The following TANC2 variants were observed in gnomAD, a reference collection of about 807,000 sequenced individuals.
The protein encoded by TANC2 is tetratricopeptide repeat, ankyrin repeat and coiled-coil containing 2.
Under a neutral mutation model 210.5 loss-of-function variants are expected in TANC2, and 26 were observed. The observed-to-expected ratio is 0.12, with a 90% CI of 0.09 to 0.17. TANC2 has a LOEUF of 0.17. Ranked by LOEUF, TANC2 falls within the 10% of genes least tolerant of loss-of-function variation. The pLI is 1.00. For missense variants in TANC2, 2,129 were observed against 2,608.9 expected (o/e 0.82, Z 4.01); for synonymous variants, 931 against 967.1 (o/e 0.96, Z 0.69).
Position 63,352,238 on chromosome 17 carries a change from C to A in TANC2, c.1974+822C>A, listed in dbSNP as rs1241410986. On this transcript the variant is annotated intron_variant, in intron 13 of 27. Coordinates refer to ENST00000689528, the Ensembl canonical transcript of TANC2. ...GCTTATCTCACTATTTGGATGCAGC[C>A]CCCTTGTCATAAGTGCTGATGTACA... is the stretch of plus-strand genomic sequence containing the variant. 4.6e-5 allele frequency among the ~76,000 whole-genome samples: 7 copies of A among 151,928 alleles called. No individual in the cohort carries two copies. The South Asian group carries it at 1.5e-3, about 32-fold the overall frequency.
intron 11 of TANC2, among the ~76,000 whole-genome samples, chr17:63,331,001 G>A (rs552823921): frequency 2.6e-5 from 4 of 152,168 alleles, no homozygotes; most frequent in East Asian, 3.9e-4. Context: ...GCTTGAACCC[G>A]GGAGGCAGAG....
chr17:63,095,229 A>AC (rs1377873125), intron 3 of TANC2, among the ~76,000 whole-genome samples: 1 of 152,002 alleles, frequency 6.6e-6, no homozygotes, highest in Non-Finnish European at 1.5e-5. Flanking sequence ...AGGCCAAAGT[A>AC]CAGTAGTATG....
intron 21 of TANC2, among the ~76,000 whole-genome samples, 188 bp from the exon 22 acceptor site, chr17:63,411,323 T>C (rs928133155): frequency 2.0e-5 from 3 of 152,214 alleles, no homozygotes; most frequent in Admixed American, 6.5e-5. Flanking sequence ...GGAATCTGTT[T>C]TATTGAAAGC....
chr17:63,129,644 A>G (rs2038845789), intron 4 of TANC2, among the ~76,000 whole-genome samples: 2 of 152,180 alleles, frequency 1.3e-5, no homozygotes, highest in African/African-American at 2.4e-5. Flanking sequence ...AAGTAGCTGT[A>G]CATGAGAACA....
intron 3 of TANC2, among the ~76,000 whole-genome samples, chr17:63,085,173 G>T (rs569476297): frequency 1.3e-5 from 2 of 152,226 alleles, no homozygotes; most frequent in African/African-American, 4.8e-5. Flanking sequence ...ATACTCATCA[G>T]TCAAGACTGT....
chr17:63,407,258 G>T (rs949333917), intron 21 of TANC2, among the ~76,000 whole-genome samples: 1 of 152,194 alleles, frequency 6.6e-6, no homozygotes, highest in African/African-American at 2.4e-5. Context: ...CTTACAGGGT[G>T]CGAAGTGGCT....
intron 1 of TANC2, among the ~76,000 whole-genome samples, chr17:62,998,368 C>A (rs1482202088): frequency 2.0e-5 from 3 of 152,112 alleles, no homozygotes; most frequent in Non-Finnish European, 4.4e-5. Context: ...CATGAAAATT[C>A]CCCCGACCTC....
intron 3 of TANC2, among the ~76,000 whole-genome samples, chr17:63,097,752 C>T (rs2037443151): frequency 6.6e-6 from 1 of 152,120 alleles, no homozygotes; most frequent in Non-Finnish European, 1.5e-5. Context: ...ATTGTCTTTT[C>T]ACTCTCTTGA....
At chr17:63,051,875 A>G (rs977892829) in intron 2 of TANC2, among the ~76,000 whole-genome samples, 2 of 152,174 alleles carry the variant, frequency 1.3e-5, no homozygotes, top group Non-Finnish European at 2.9e-5. Context: ...AGAGTAGGTT[A>G]AGCTATATGT....
intron 18 of TANC2, 82 bp from the exon 19 acceptor site, chr17:63,398,739 A>G: frequency 1.1e-6 from 1 of 894,800 alleles, no homozygotes; most frequent in African/African-American, 1.7e-5. Context: ...GGATCATCCA[A>G]GCATCTTCCA....
chr17:63,373,518 A>G (rs926958532), intron 14 of TANC2, among the ~76,000 whole-genome samples: 4 of 152,206 alleles, frequency 2.6e-5, no homozygotes, highest in Admixed American at 2.0e-4. Flanking sequence ...CAGTAGAACT[A>G]GATTTCAAAA....
chr17:63,103,278 G>T (rs1403743817), intron 4 of TANC2, among the ~76,000 whole-genome samples: 1 of 152,140 alleles, frequency 6.6e-6, no homozygotes, highest in African/African-American at 2.4e-5. Flanking sequence ...CCATGCCGGT[G>T]TATATAAAGA....
At chr17:63,396,680 C>T (rs972439384) in intron 18 of TANC2, 4 of 152,104 alleles carry the variant, frequency 2.6e-5, no homozygotes, top group African/African-American at 4.8e-5. Flanking sequence ...AACATAGATG[C>T]AACTGAAGGC....
intron 9 of TANC2, among the ~76,000 whole-genome samples, chr17:63,288,273 A>G (rs2044284497): frequency 6.6e-6 from 1 of 152,202 alleles, no homozygotes; most frequent in South Asian, 2.1e-4. Flanking sequence ...GGAATGTGTC[A>G]GATTCTGACT....
At chr17:62,986,739 G>C (rs149269827) in intron 1 of TANC2, among the ~76,000 whole-genome samples, 2 of 152,298 alleles carry the variant, frequency 1.3e-5, no homozygotes, top group East Asian at 1.9e-4. Context: ...CAGTGGAACT[G>C]GGGGTATGTC....
rs187989608 is a variant in TANC2, at chr17:63,245,207, T to C, written c.1033+7130T>C. 6.1e-4 allele frequency among the ~76,000 whole-genome samples: 93 copies of C among 152,344 alleles called. 3 individuals carry two copies. In the East Asian group the frequency reaches 0.017, roughly 27 times the overall value. ...TTTCACACTAATGTCTTGTTCTTAA[T>C]GCCTCAAACTATATCCTGTTCAGAC... On this transcript the variant is annotated intron_variant, in intron 8 of 27. Coordinates refer to ENST00000689528, the Ensembl canonical transcript of TANC2.
At chr17:63,130,132 G>C (rs927340915) in intron 4 of TANC2, among the ~76,000 whole-genome samples, 1 of 152,014 alleles carries the variant, frequency 6.6e-6, no homozygotes, top group Non-Finnish European at 1.5e-5. Context: ...AGCTGGGAAG[G>C]CTATTTATAT....
intron 2 of TANC2, among the ~76,000 whole-genome samples, chr17:63,067,041 C>T (rs1231273234): frequency 6.6e-6 from 1 of 152,156 alleles, no homozygotes; most frequent in Non-Finnish European, 1.5e-5. Flanking sequence ...CCTGACTGAC[C>T]ACTTCAGGGT....
intron 1 of TANC2, chr17:62,978,419 A>G (rs770985475): frequency 1.3e-5 from 2 of 152,210 alleles, no homozygotes; most frequent in Non-Finnish European, 2.9e-5. Context: ...TCCAAGTTTT[A>G]TACAGTTCTT....
Sources: allele counts gnomAD v4.1 joint callset (sites outside exome capture counted in the v4.1 genomes callset), GRCh38; gene constraint gnomAD v4.1.1; transcripts MANE v1.5; gene names NCBI Gene and HGNC (gene_info 2026-07-23, HGNC 2026-07-21).